Variants in ZSWIM5 observed in about 807,000 individuals in gnomAD.
ZSWIM5 encodes zinc finger SWIM domain-containing protein 5.
Under a neutral mutation model 119.6 loss-of-function variants are expected in ZSWIM5, and 55 were observed. The observed-to-expected ratio is 0.46, with a 90% CI of 0.37 to 0.58. The LOEUF (loss-of-function observed/expected upper bound fraction) is 0.58. ZSWIM5 is among the 20% of genes least tolerant of loss of function. The pLI, the probability that ZSWIM5 is intolerant of heterozygous loss-of-function variation, is 0.00. For missense variants in ZSWIM5, 1,193 were observed against 1,512.8 expected (o/e 0.79, Z 3.51); for synonymous variants, 537 against 606.9 (o/e 0.88, Z 1.69).
At chr1:45,115,979 GC>G (rs1645555219) in intron 1 of ZSWIM5, among the ~76,000 whole-genome samples, 1 of 152,162 alleles carries the variant, frequency 6.6e-6, no homozygotes, top group Non-Finnish European at 1.5e-5. Flanking sequence ...GTGGTGGCGC[GC>G]GCCCGCAATC....
intron 1 of ZSWIM5, among the ~76,000 whole-genome samples, chr1:45,175,974 G>C (rs938735930): frequency 2.0e-5 from 3 of 151,736 alleles, no homozygotes; most frequent in Non-Finnish European, 4.4e-5. Context: ...AGGCTCATTT[G>C]ATACTTTCTC....
At chr1:45,184,376 A>G (rs1646043210) in intron 1 of ZSWIM5, among the ~76,000 whole-genome samples, 1 of 152,182 alleles carries the variant, frequency 6.6e-6, no homozygotes, top group Non-Finnish European at 1.5e-5. Context: ...CCTATTCAAC[A>G]CAGTGCTGGA....
chr1:45,106,200 C>CTT (rs1450197002), intron 1 of ZSWIM5, among the ~76,000 whole-genome samples: 1 of 145,528 alleles, frequency 6.9e-6, no homozygotes, highest in Non-Finnish European at 1.5e-5. Context: ...CCCGGCCGCC[C>CTT]CCTCTGGGAG....
chr1:45,128,446 G>A (rs951817335), intron 1 of ZSWIM5, among the ~76,000 whole-genome samples: 3 of 151,990 alleles, frequency 2.0e-5, no homozygotes, highest in South Asian at 2.1e-4. Context: ...CGATCCTCCC[G>A]CTTTGGCCTC....
intron 1 of ZSWIM5, among the ~76,000 whole-genome samples, chr1:45,191,179 C>A (rs1646090497): frequency 6.6e-6 from 1 of 151,466 alleles, no homozygotes; most frequent in African/African-American, 2.4e-5. Flanking sequence ...GTGATCCGCC[C>A]GCCTCGGCCT....
chr1:45,188,288 T>C (rs753070037), intron 1 of ZSWIM5, among the ~76,000 whole-genome samples: 16 of 152,220 alleles, frequency 1.1e-4, no homozygotes, highest in Non-Finnish European at 2.2e-4. Context: ...TACAGATATA[T>C]GTTACACATT....
intron 1 of ZSWIM5, among the ~76,000 whole-genome samples, chr1:45,179,872 A>G (rs1646004527): frequency 6.6e-6 from 1 of 152,154 alleles, no homozygotes; most frequent in Admixed American, 6.6e-5. Flanking sequence ...TCCTTATAAG[A>G]GGGAGGCAAG....
intron 8 of ZSWIM5, among the ~76,000 whole-genome samples, chr1:45,037,963 C>T (rs1172716883): frequency 1.3e-5 from 2 of 152,138 alleles, no homozygotes; most frequent in Non-Finnish European, 1.5e-5. Context: ...CCACTAAGTG[C>T]TAGGAACACA....
chr1:45,039,136 T>A, intron 7 of ZSWIM5, 63 bp from the exon 8 acceptor site: 1 of 1,580,388 alleles, frequency 6.3e-7, no homozygotes, highest in Non-Finnish European at 8.7e-7. Context: ...TGTCCCTGCC[T>A]GGGTCTTCTT....
rs1005057374 is a variant in ZSWIM5 at position 45,128,174 on chromosome 1, G to A, written c.596-39937C>T. ...TGGAAAGTCAAAGGCACTTAAATAC[G>A]GAAAAAGAAGAATAAGGTAGAAAGA... On this transcript the variant is annotated intron_variant, in intron 1 of 13. Transcript: ENST00000359600. Among the ~76,000 whole-genome samples, 10 of 151,976 alleles carry A rather than the reference G, an allele frequency of 6.6e-5. No individual in the cohort carries two copies. In the South Asian group the frequency reaches 8.3e-4, roughly 13 times the overall value.
chr1:45,037,544 A>G (rs998695809), intron 8 of ZSWIM5, among the ~76,000 whole-genome samples: 3 of 152,212 alleles, frequency 2.0e-5, no homozygotes, highest in Non-Finnish European at 4.4e-5. Context: ...GAACACCTTA[A>G]AGGGATTAGA....
chr1:45,137,297 C>T (rs1222444715), intron 1 of ZSWIM5, among the ~76,000 whole-genome samples: 1 of 152,164 alleles, frequency 6.6e-6, no homozygotes, highest in Non-Finnish European at 1.5e-5. Context: ...GATCCTCCTG[C>T]CGTGGCCTCC....
At chr1:45,144,033 T>C (rs905750759) in intron 1 of ZSWIM5, among the ~76,000 whole-genome samples, 22 of 152,172 alleles carry the variant, frequency 1.4e-4, no homozygotes, top group Admixed American at 2.0e-4. Context: ...TGTTCACAGA[T>C]TGAAGACTCA....
chr1:45,192,663 G>T (rs1646099514), intron 1 of ZSWIM5, among the ~76,000 whole-genome samples: 1 of 151,954 alleles, frequency 6.6e-6, no homozygotes, highest in Non-Finnish European at 1.5e-5. Context: ...CAATTATTTT[G>T]GTTATACAAC....
intron 1 of ZSWIM5, among the ~76,000 whole-genome samples, chr1:45,130,425 A>G (rs1645649186): frequency 6.6e-6 from 1 of 151,426 alleles, no homozygotes; most frequent in Non-Finnish European, 1.5e-5. Flanking sequence ...GCAATTAGCA[A>G]ATGGGCAAAA....
intron 1 of ZSWIM5, among the ~76,000 whole-genome samples, chr1:45,100,806 T>G (rs1389553849): frequency 2.0e-5 from 3 of 152,198 alleles, no homozygotes; most frequent in African/African-American, 7.2e-5. Context: ...GGGAAAGGAT[T>G]CCCTATTTAA....
chr1:45,205,811 G>T lies in ZSWIM5; in HGVS notation c.540C>A (p.Phe180Leu). 3 of 1,541,136 alleles carry T rather than the reference G, an allele frequency of 1.9e-6. No individual in the cohort carries two copies. The highest frequency in any genetic ancestry group is 2.6e-6 in the Non-Finnish European group (3 of 1,147,978). Residue 180 changes from phenylalanine to leucine, a missense_variant, in exon 1 of 14, where the codon TTC becomes TTA. Physicochemically the swap from Phe to Leu is conservative, Grantham distance 22. Around this residue, in one of 2 missense-constraint regions of ZSWIM5, gnomAD observed 961 missense variants for 1,290.0 expected, o/e 0.74. Coordinates refer to ENST00000359600, the MANE Select transcript of ZSWIM5 (RefSeq NM_020883.2). ...AAGCGGEGLP[F>L]RRGIRLLDSG... ...TGTCCAGCAGACGGATGCCCCGGCG[G>T]AACGGGAGCCCCTCGCCACCGCAGC... is the stretch of plus-strand genomic sequence containing the variant.
intron 1 of ZSWIM5, among the ~76,000 whole-genome samples, chr1:45,114,643 C>CTTT (rs374475671): frequency 0.02 from 2,740 of 133,760 alleles, 88 homozygotes; most frequent in African/African-American, 0.072. Flanking sequence ...TACTCTGTAT[C>CTTT]TTTTTTTTTT....
intron 1 of ZSWIM5, among the ~76,000 whole-genome samples, chr1:45,128,190 G>A (rs1645632299): frequency 6.6e-6 from 1 of 151,740 alleles, no homozygotes; most frequent in Non-Finnish European, 1.5e-5. Context: ...AGAAGAATAA[G>A]GTAGAAAGAA....
Sources: allele counts gnomAD v4.1 joint callset (sites outside exome capture counted in the v4.1 genomes callset), GRCh38; gene constraint gnomAD v4.1.1; regional missense constraint gnomAD v4.1.1; transcripts MANE v1.5; gene names NCBI Gene and HGNC (gene_info 2026-07-23, HGNC 2026-07-21).